PCDHB15: variants seen among roughly 807,000 people sequenced by gnomAD.
PCDHB15 encodes protocadherin beta 15.
For missense variants in PCDHB15, 1,032 were observed against 991.7 expected (o/e 1.04, Z -0.55); for synonymous variants, 492 against 447.9 (o/e 1.10, Z -1.24).
rs1181499065 is a variant in PCDHB15 at position 141,248,532 on chromosome 5, T to A, written c.*590T>A. The A allele has an allele frequency of 6.6e-6, 1 of 152,316 alleles. No individual in the cohort carries two copies. The highest frequency in any genetic ancestry group is 2.4e-5 in the African/African-American group (1 of 41,472). 9.4% of individuals were successfully genotyped at this position (152,316 alleles called of 1,614,324 possible). A position where few individuals can be genotyped will look rare whatever the true frequency, so the allele number is the denominator to read the frequency against. On this transcript the variant is annotated 3_prime_UTR_variant, in exon 1 of 1. Coordinates refer to ENST00000231173, the MANE Select transcript of PCDHB15 (RefSeq NM_018935.4). The stretch of plus-strand genomic sequence containing the variant: ...ATCTCATAAAAATATATCTGCGTAA[T>A]GTATTCTGTCTCATGTAAATTAACA...
Position 141,246,510 on chromosome 5 carries a change from CAAT to C in PCDHB15, c.933_935del (p.Met312del). 1 of 1,614,150 alleles carries C rather than the reference CAAT, an allele frequency of 6.2e-7. No homozygotes were observed. Among genetic ancestry groups the C allele is most frequent in the Non-Finnish European group, 8.5e-7 (1 of 1,180,004 alleles). The stretch of plus-strand genomic sequence containing the variant: ...CTAATTAAAAAACTAGATTTTGAGA[CAAT>C]GTCTTCGTATGATCTAGATATAGAG... On this transcript the variant is annotated inframe_deletion, in exon 1 of 1. Transcript: ENST00000231173.
In PCDHB15 at chr5:141,249,179, G is replaced by C. The variant is rs558536705; in HGVS notation, c.*1237G>C. On this transcript the variant is annotated 3_prime_UTR_variant, in exon 1 of 1. Transcript: ENST00000231173. Reference sequence around the variant, plus strand: ...TGGGTCTATTTCAATCAGTGGAAAGGCCATAAAAGCAGAGTTGAGTCTTCC... The same window carrying C: ...TGGGTCTATTTCAATCAGTGGAAAGCCCATAAAAGCAGAGTTGAGTCTTCC... 5 of 152,134 alleles carry C rather than the reference G, an allele frequency of 3.3e-5. No homozygotes were observed. Among genetic ancestry groups the C allele is most frequent in the African/African-American group, 4.8e-5 (2 of 41,416 alleles). The allele number at this position is 152,134 out of a possible 1,614,324, so 9.4% of individuals were successfully genotyped here. A position where few individuals can be genotyped will look rare whatever the true frequency, so the allele number is the denominator to read the frequency against.
Position 141,247,860 on chromosome 5 carries a change from G to T in PCDHB15, c.2282G>T (p.Ser761Ile), listed in dbSNP as rs1755320974. The part of the protein sequence containing the change: ...YEVCLTGGSE[S>I]NDFKFLKPIF... The stretch of plus-strand genomic sequence containing the variant: ...GTGTGTCTGACGGGAGGCTCTGAAA[G>T]TAATGATTTCAAGTTCTTGAAGCCT... Residue 761 changes from serine to isoleucine, a missense_variant, in exon 1 of 1, where the codon AGT (serine) becomes ATT (isoleucine). Coordinates refer to ENST00000231173, the MANE Select transcript of PCDHB15 (RefSeq NM_018935.4). The T allele has an allele frequency of 6.2e-7, 1 of 1,614,092 alleles. No homozygotes were observed. Among genetic ancestry groups the T allele is most frequent in the Non-Finnish European group, 8.5e-7 (1 of 1,180,040 alleles).
In PCDHB15 at chr5:141,247,426, C is replaced by T. The variant is rs781924377; in HGVS notation, c.1848C>T (p.Gly616=). The T allele has an allele frequency of 2.2e-4, 356 of 1,606,268 alleles. 3 individuals carry two copies. The East Asian group carries it at 4.4e-3, about 20-fold the overall frequency. The change falls in exon 1 of 1, where the codon GGC becomes GGT. Residue 616 remains glycine (G), a synonymous_variant. Transcript: ENST00000231173. ...AGGCCACGGAGCCCGGGCTGTTCGGCGTGTGGGCGCACAATGGCGAGGTGC... is the reference window on the plus strand; with the variant it reads ...AGGCCACGGAGCCCGGGCTGTTCGGTGTGTGGGCGCACAATGGCGAGGTGC... ...LLKATEPGLF[G]VWAHNGEVRT...
Position 141,245,938 on chromosome 5 carries a change from A to G in PCDHB15, c.360A>G (p.Glu120=), listed in dbSNP as rs1554291822. The part of the protein sequence containing the change: ...LKKPLEVFRA[E]LLVTDINDHS... ...AACCTTTGGAAGTATTTCGAGCTGA[A>G]CTACTAGTGACAGACATAAACGATC... The change falls in exon 1 of 1, where the codon GAA becomes GAG. Residue 120 remains glutamate (E), a synonymous_variant. Transcript: ENST00000231173. 2.5e-6 allele frequency: 4 copies of G among 1,614,198 alleles called. No homozygotes were observed. The highest frequency in any genetic ancestry group is 3.4e-6 in the Non-Finnish European group (4 of 1,180,036).
rs782742506 is a variant in PCDHB15, at chr5:141,245,758, C to G, written c.180C>G (p.Ala60=). The change falls in exon 1 of 1, where the codon GCC becomes GCG. Residue 60 remains alanine, a synonymous_variant. Transcript: ENST00000231173. ...TAGGGCTGGGAGTGGGGGAGCTAGC[C>G]GAGCGGGGAGCCCGGGTAGTTTCTG... The part of the protein sequence containing the change: ...NDLGLGVGEL[A]ERGARVVSED... The G allele has an allele frequency of 7.4e-6, 12 of 1,614,008 alleles. No homozygotes were observed. The highest frequency in any genetic ancestry group is 1.7e-5 in the Admixed American group (1 of 60,000).
Position 141,246,825 on chromosome 5 carries a change from A to G in PCDHB15, c.1247A>G (p.Glu416Gly). The G allele has an allele frequency of 1.9e-6, 3 of 1,614,184 alleles. No homozygotes were observed. Among genetic ancestry groups the G allele is most frequent in the Non-Finnish European group, 2.5e-6 (3 of 1,180,034 alleles). ...GCGCTGGACAGAGAGACCAGAGCCG[A>G]GTACAACATCACCATCACCATCACA... ...EGALDRETRA[E>G]YNITITITDL... Residue 416 changes from glutamate to glycine, a missense_variant, in exon 1 of 1, where the codon GAG becomes GGG. Physicochemically the swap from Glu to Gly is moderately conservative, Grantham distance 98. Transcript: ENST00000231173.
Position 141,248,850 on chromosome 5 carries a change from C to A in PCDHB15, c.*908C>A, listed in dbSNP as rs1755339092. The A allele has an allele frequency of 6.6e-6, 1 of 152,130 alleles. No homozygotes were observed. The highest frequency in any genetic ancestry group is 2.4e-5 in the African/African-American group (1 of 41,410). 9.4% of individuals were successfully genotyped at this position (152,130 alleles called of 1,614,324 possible). A position where few individuals can be genotyped will look rare whatever the true frequency, so the allele number is the denominator to read the frequency against. ...TTCATAAGGAATTTGAAAGAAAATA[C>A]ATTGTAGAATTAATATTAGTTAACC... On this transcript the variant is annotated 3_prime_UTR_variant, in exon 1 of 1. Transcript: ENST00000231173.
At position 141,246,204 on chromosome 5, in the gene PCDHB15, G is replaced by A. The variant is rs1554291863; in HGVS notation, c.626G>A (p.Arg209Lys). ...GATCGCGAGGAGCAGGCCGAGCTCA[G>A]ATTAACCTTGACAGCGGTGGACGGT... ...ELDREEQAELRLTLTAVDGGS... is the reference protein window; with the variant it reads ...ELDREEQAELKLTLTAVDGGS... The change falls in exon 1 of 1, where the codon AGA becomes AAA. Residue 209 changes from arginine (R) to lysine (K), a missense_variant. Physicochemically the swap from Arg to Lys is conservative, Grantham distance 26. Coordinates refer to ENST00000231173, the MANE Select transcript of PCDHB15 (RefSeq NM_018935.4). 1.2e-6 allele frequency: 2 copies of A among 1,614,206 alleles called. No individual in the cohort carries two copies. Among genetic ancestry groups the A allele is most frequent in the Non-Finnish European group, 1.7e-6 (2 of 1,180,026 alleles).
chr5:141,246,984 A>C lies in PCDHB15; in HGVS notation c.1406A>C (p.His469Pro). The C allele has an allele frequency of 2.5e-6, 4 of 1,613,364 alleles. No individual in the cohort carries two copies. The highest frequency in any genetic ancestry group is 1.1e-5 in the South Asian group (1 of 91,038). The change falls in exon 1 of 1, where the codon CAC (histidine) becomes CCC (proline). Residue 469 changes from histidine to proline, a missense_variant. Physicochemically the swap from His to Pro is moderately conservative, Grantham distance 77. Coordinates refer to ENST00000231173, the MANE Select transcript of PCDHB15 (RefSeq NM_018935.4). ...CGCGAGAACAACAGCCCCGCCCTGC[A>C]CATCGGCAGTGTCAGCGCCACAGAC... ...FVRENNSPAL[H>P]IGSVSATDRD...
Position 141,247,818 on chromosome 5 carries a change from A to G in PCDHB15, c.2240A>G (p.Gln747Arg), listed in dbSNP as rs782671320. ...GTGAGCGGCACCGGGACCCTTTCCC[A>G]GAGCTACCAGTACGAGGTGTGTCTG... Reference protein sequence around the residue: ...VDVSGTGTLSQSYQYEVCLTG... With the variant: ...VDVSGTGTLSRSYQYEVCLTG... Residue 747 changes from glutamine to arginine, a missense_variant, in exon 1 of 1, where the codon CAG becomes CGG. Physicochemically the swap from Gln to Arg is conservative, Grantham distance 43. Coordinates refer to ENST00000231173, the MANE Select transcript of PCDHB15 (RefSeq NM_018935.4). The G allele has an allele frequency of 9.9e-6, 16 of 1,614,216 alleles. No individual in the cohort carries two copies. The highest frequency in any genetic ancestry group is 1.4e-5 in the Non-Finnish European group (16 of 1,180,038).
Position 141,247,994 on chromosome 5 carries a change from T to C in PCDHB15, c.*52T>C. The C allele has an allele frequency of 6.6e-7, 1 of 1,506,178 alleles. No individual in the cohort carries two copies. Among genetic ancestry groups the C allele is most frequent in the Non-Finnish European group, 8.9e-7 (1 of 1,126,000 alleles). 93.3% of individuals were successfully genotyped at this position (1,506,178 alleles called of 1,614,324 possible). A position where few individuals can be genotyped will look rare whatever the true frequency, so the allele number is the denominator to read the frequency against. ...TCTGTTAATTTTGTCTTCCTCACTT[T>C]TCACCTTAGTTTTTTTTAACCCTTT... On this transcript the variant is annotated 3_prime_UTR_variant, in exon 1 of 1. Coordinates refer to ENST00000231173, the MANE Select transcript of PCDHB15 (RefSeq NM_018935.4).
Position 141,247,048 on chromosome 5 carries a change from G to T in PCDHB15, c.1470G>T (p.Leu490=). The part of the protein sequence containing the change: ...SGTNAQVTYS[L]LPPRDPHLPL... Reference sequence around the variant, plus strand: ...CCAACGCCCAGGTCACCTACTCGCTGCTGCCGCCCCGGGACCCGCACCTGC... The same window carrying T: ...CCAACGCCCAGGTCACCTACTCGCTTCTGCCGCCCCGGGACCCGCACCTGC... The change falls in exon 1 of 1, where the codon CTG becomes CTT. Residue 490 remains leucine (L), a synonymous_variant. Coordinates refer to ENST00000231173, the MANE Select transcript of PCDHB15 (RefSeq NM_018935.4). 1 of 1,613,742 alleles carries T rather than the reference G, an allele frequency of 6.2e-7. No individual in the cohort carries two copies. Among genetic ancestry groups the T allele is most frequent in the Non-Finnish European group, 8.5e-7 (1 of 1,180,030 alleles).
rs1755324630 is a variant in PCDHB15, at chr5:141,248,001, T to G, written c.*59T>G. On this transcript the variant is annotated 3_prime_UTR_variant, in exon 1 of 1. Coordinates refer to ENST00000231173, the MANE Select transcript of PCDHB15 (RefSeq NM_018935.4). ...ATTTTGTCTTCCTCACTTTTCACCTTAGTTTTTTTTAACCCTTTAGTAATC... is the reference window on the plus strand; with the variant it reads ...ATTTTGTCTTCCTCACTTTTCACCTGAGTTTTTTTTAACCCTTTAGTAATC... 2 of 1,487,006 alleles carry G rather than the reference T, an allele frequency of 1.3e-6. No homozygotes were observed. The highest frequency in any genetic ancestry group is 2.3e-5 in the East Asian group (1 of 43,734). The allele number at this position is 1,487,006 out of a possible 1,614,324, so 92.1% of individuals were successfully genotyped here.
At position 141,245,705 on chromosome 5, in the gene PCDHB15, T is replaced by G. The variant is rs782259456; in HGVS notation, c.127T>G (p.Ser43Ala). The change falls in exon 1 of 1, where the codon TCT (serine) becomes GCT (alanine). Residue 43 changes from serine to alanine, a missense_variant. Transcript: ENST00000231173. The stretch of plus-strand genomic sequence containing the variant: ...TGTGATGGAGGAAACAGAGAGAGGT[T>G]CTTTTGTAGCCAACCTGGCCAATGA... ...YSVMEETERG[S>A]FVANLANDLG... 4 of 1,614,132 alleles carry G rather than the reference T, an allele frequency of 2.5e-6. No homozygotes were observed. Among genetic ancestry groups the G allele is most frequent in the Admixed American group, 1.7e-5 (1 of 60,014 alleles).
chr5:141,246,604 T>A lies in PCDHB15; in HGVS notation c.1026T>A (p.Asp342Glu), dbSNP rs1239373801. The A allele has an allele frequency of 1.2e-6, 2 of 1,614,088 alleles. No individual in the cohort carries two copies. Among genetic ancestry groups the A allele is most frequent in the Non-Finnish European group, 1.7e-6 (2 of 1,180,050 alleles). The change falls in exon 1 of 1, where the codon GAT becomes GAA. Residue 342 changes from aspartate (D) to glutamate (E), a missense_variant. Asp to Glu is a conservative substitution (Grantham distance 45). Transcript: ENST00000231173. ...CTGTTAAGGTGCTGGATGTTAACGA[T>A]AACTTCCCGGAACTAAGTATTTCAT... Reference protein sequence around the residue: ...SVSVKVLDVNDNFPELSISSL... With the variant: ...SVSVKVLDVNENFPELSISSL...
Position 141,246,741 on chromosome 5 carries a change from A to T in PCDHB15, c.1163A>T (p.Asp388Val), listed in dbSNP as rs782417100. ...NGKMICSIQD[D>V]VPFKLKPSVE... ...AAAATGATTTGCTCAATTCAGGATGATGTTCCTTTTAAGCTAAAACCTTCT... is the reference window on the plus strand; with the variant it reads ...AAAATGATTTGCTCAATTCAGGATGTTGTTCCTTTTAAGCTAAAACCTTCT... Residue 388 changes from aspartate (D) to valine (V), a missense_variant, in exon 1 of 1, where the codon GAT (aspartate) becomes GTT (valine). By Grantham distance (152) the Asp-to-Val change is radical. Coordinates refer to ENST00000231173, the MANE Select transcript of PCDHB15 (RefSeq NM_018935.4). The T allele has an allele frequency of 1.2e-6, 2 of 1,613,956 alleles. No individual in the cohort carries two copies. Among genetic ancestry groups the T allele is most frequent in the East Asian group, 2.2e-5 (1 of 44,872 alleles).
chr5:141,248,760 T>C lies in PCDHB15; in HGVS notation c.*818T>C, dbSNP rs1189722531. The C allele has an allele frequency of 6.6e-6, 1 of 152,182 alleles. No individual in the cohort carries two copies. Among genetic ancestry groups the C allele is most frequent in the Non-Finnish European group, 1.5e-5 (1 of 68,032 alleles). The allele number at this position is 152,182 out of a possible 1,614,324, so 9.4% of individuals were successfully genotyped here. On this transcript the variant is annotated 3_prime_UTR_variant, in exon 1 of 1. Transcript: ENST00000231173. ...CTTAACGAGTTCCAAATTCTGGGCT[T>C]AGAGGAGCTTCTGATGGTACAGTAT... is the stretch of plus-strand genomic sequence containing the variant.
Position 141,246,216 on chromosome 5 carries a change from C to T in PCDHB15, c.638C>T (p.Thr213Ile), listed in dbSNP as rs782057013. The T allele has an allele frequency of 4.0e-5, 64 of 1,614,084 alleles. No homozygotes were observed. The East Asian group carries it at 1.4e-3, about 35-fold the overall frequency. ...CAGGCCGAGCTCAGATTAACCTTGACAGCGGTGGACGGTGGCTCTCCACCC... is the reference window on the plus strand; with the variant it reads ...CAGGCCGAGCTCAGATTAACCTTGATAGCGGTGGACGGTGGCTCTCCACCC... ...EEQAELRLTL[T>I]AVDGGSPPRS... Residue 213 changes from threonine (T) to isoleucine (I), a missense_variant, in exon 1 of 1, where the codon ACA becomes ATA. Physicochemically the swap from Thr to Ile is moderately conservative, Grantham distance 89. Transcript: ENST00000231173.
Sources: allele counts gnomAD v4.1 joint callset, GRCh38; gene constraint gnomAD v4.1.1; transcripts MANE v1.5; gene names NCBI Gene and HGNC (gene_info 2026-07-23, HGNC 2026-07-21).